UBE2D3: variants seen among roughly 807,000 people sequenced by gnomAD.
UBE2D3 encodes the protein ubiquitin conjugating enzyme E2 D3, also known as ubiquitin-conjugating enzyme E2 D3.
A neutral mutation model predicts 22.8 loss-of-function variants in UBE2D3; 2 were observed. That is an observed-to-expected ratio of 0.09 (90% CI 0.04 to 0.28). The LOEUF is 0.28. UBE2D3 is among the 10% of genes least tolerant of loss of function. UBE2D3 has a pLI of 1.00. For synonymous variants in UBE2D3, 56 were observed against 60.4 expected, an observed-to-expected ratio of 0.93 and a Z score of 0.34; for missense variants, 27 against 182.5, an observed-to-expected ratio of 0.15 and a Z score of 4.91.
chr4:102,819,937 TG>T (rs1280413815), intron 2 of UBE2D3, among the ~76,000 whole-genome samples: 1 of 152,244 alleles, frequency 6.6e-6, no homozygotes, highest in Non-Finnish European at 1.5e-5. Context: ...AGACAAGATT[TG>T]TATGACTGTG....
At chr4:102,821,675 C>T (rs1484891233) in intron 2 of UBE2D3, among the ~76,000 whole-genome samples, 1 of 152,018 alleles carries the variant, frequency 6.6e-6, no homozygotes. Context: ...TGGATTGTAA[C>T]ACAAAGGATA....
At chr4:102,811,748 G>A (rs1160368000) in intron 2 of UBE2D3, 1 of 440,900 alleles carries the variant, frequency 2.3e-6, no homozygotes, top group South Asian at 1.6e-5. Flanking sequence ...GCAAAAGAAA[G>A]GATGCCTAAA....
At chr4:102,828,514 T>C (rs1243536504), upstream of UBE2D3, among the ~76,000 whole-genome samples, 4 of 152,094 alleles carry the variant, frequency 2.6e-5, no homozygotes, top group Admixed American at 2.0e-4. Flanking sequence ...TCAAGCTCAA[T>C]TGAGTGGATG....
chr4:102,827,851 A>G (rs1730835567), upstream of UBE2D3: 1 of 985,716 alleles, frequency 1.0e-6, no homozygotes, highest in Non-Finnish European at 1.2e-6. Context: ...AGCATCGAGA[A>G]CCGGAAGGAG....
chr4:102,856,993 G>C (rs531919882), intron 1 of UBE2D3, among the ~76,000 whole-genome samples: 17 of 152,288 alleles, frequency 1.1e-4, no homozygotes, highest in African/African-American at 3.6e-4. Context: ...ACACTATGCA[G>C]TTGTCAAAAT....
chr4:102,845,090 A>C (rs930278417), intron 1 of UBE2D3, among the ~76,000 whole-genome samples: 5 of 151,406 alleles, frequency 3.3e-5, no homozygotes, highest in Non-Finnish European at 4.4e-5. Flanking sequence ...TCTACCAAAA[A>C]CACAGAAACT....
Position 102,857,896 on chromosome 4 carries a change from G to A in UBE2D3, c.-129+10819C>T, listed in dbSNP as rs1207710957. On this transcript the variant is annotated intron_variant, in intron 1 of 7. Transcript: ENST00000338145. ...TTTAGTAGAGACAGGGTTTCACCAT[G>A]TTGGCCAGGCTGATCTCGAACTCCT... 2.6e-5 allele frequency among the ~76,000 whole-genome samples: 4 copies of A among 151,880 alleles called. No homozygotes were observed. The East Asian group carries it at 7.7e-4, about 29-fold the overall frequency.
intron 1 of UBE2D3, among the ~76,000 whole-genome samples, chr4:102,866,971 A>C (rs928271836): frequency 4.6e-5 from 7 of 152,218 alleles, no homozygotes; most frequent in Non-Finnish European, 8.8e-5. Flanking sequence ...TCAGGATAAA[A>C]AAGCTCCAGG....
chr4:102,817,570 C>T (rs1205694970), intron 2 of UBE2D3, among the ~76,000 whole-genome samples: 1 of 152,170 alleles, frequency 6.6e-6, no homozygotes, highest in African/African-American at 2.4e-5. Flanking sequence ...CCTTTCTCAA[C>T]AGGGTGTCCT....
intron 4 of UBE2D3, 132 bp downstream of exon 4, chr4:102,809,540 A>G (rs1727623988): frequency 2.1e-6 from 2 of 938,472 alleles, no homozygotes; most frequent in Admixed American, 2.9e-5. Flanking sequence ...TTTCAAATGC[A>G]GTACAACTAT....
chr4:102,803,246 A>G (rs1413794744), intron 4 of UBE2D3, among the ~76,000 whole-genome samples: 2 of 152,234 alleles, frequency 1.3e-5, no homozygotes, highest in African/African-American at 4.8e-5. Context: ...AGATTCAAAC[A>G]CAAGTCTTTT....
chr4:102,834,491 G>A (rs1392887585), intron 1 of UBE2D3, among the ~76,000 whole-genome samples: 1 of 152,072 alleles, frequency 6.6e-6, no homozygotes, highest in East Asian at 1.9e-4. Flanking sequence ...GTACATAGCT[G>A]TAATCCCAGC....
chr4:102,860,170 C>G (rs923167753), intron 1 of UBE2D3, among the ~76,000 whole-genome samples: 2 of 148,256 alleles, frequency 1.3e-5, no homozygotes, highest in African/African-American at 4.9e-5. Flanking sequence ...TTAGTGGTTT[C>G]TTTGTTGAAA....
At chr4:102,799,298 TA>T in intron 7 of UBE2D3, 108 bp downstream of exon 7, 1 of 851,486 alleles carries the variant, frequency 1.2e-6, no homozygotes, top group Middle Eastern at 3.6e-4. Flanking sequence ...CTCCATATTT[TA>T]ACTATTATCT....
chr4:102,805,221 C>G (rs1726841454), intron 4 of UBE2D3, among the ~76,000 whole-genome samples: 1 of 152,090 alleles, frequency 6.6e-6, no homozygotes, highest in Non-Finnish European at 1.5e-5. Context: ...AGAGGAAGAA[C>G]TACGAGGTTC....
intron 4 of UBE2D3, among the ~76,000 whole-genome samples, chr4:102,804,561 T>C (rs1726728085): frequency 6.6e-6 from 1 of 152,312 alleles, no homozygotes; most frequent in Admixed American, 6.5e-5. Flanking sequence ...AATAGTTATA[T>C]TAATTTTGAA....
intron 1 of UBE2D3, among the ~76,000 whole-genome samples, chr4:102,837,724 G>A (rs1731490275): frequency 6.6e-6 from 1 of 152,164 alleles, no homozygotes; most frequent in Non-Finnish European, 1.5e-5. Flanking sequence ...GGCCAAGGCG[G>A]GCGGATCACG....
In UBE2D3 at chr4:102,795,384, G is replaced by C. The variant is rs1444965645; in HGVS notation, c.*2031C>G. 6.6e-6 allele frequency: 1 copy of C among 152,108 alleles called. No homozygotes were observed. The highest frequency in any genetic ancestry group is 6.6e-5 in the Admixed American group (1 of 15,250). 9.4% of individuals were successfully genotyped at this position (152,108 alleles called of 1,614,324 possible). A position where few individuals can be genotyped will look rare whatever the true frequency, so the allele number is the denominator to read the frequency against. The stretch of plus-strand genomic sequence containing the variant: ...TTATTTTGAGACTATATGCATCTCA[G>C]AAGTAATTTTGAAAATAGAGCCAAA... On this transcript the variant is annotated 3_prime_UTR_variant, in exon 8 of 8. Coordinates refer to ENST00000453744, the MANE Select transcript of UBE2D3 (RefSeq NM_181891.3).
intron 2 of UBE2D3, among the ~76,000 whole-genome samples, chr4:102,824,858 T>C (rs1051690842): frequency 2.6e-5 from 4 of 152,264 alleles, no homozygotes; most frequent in African/African-American, 4.8e-5. Flanking sequence ...TTCTCCAATA[T>C]GTTCCTGGCC....
Sources: gnomAD v4.1 joint callset for allele counts (sites outside exome capture counted in the v4.1 genomes callset) on GRCh38, gnomAD v4.1.1 for gene constraint, MANE v1.5 for transcripts, NCBI Gene and HGNC (gene_info 2026-07-23, HGNC 2026-07-21) for gene names.